MTAP: variants seen among roughly 807,000 people sequenced by gnomAD.
The protein encoded by MTAP is S-methyl-5'-thioadenosine phosphorylase.
A neutral mutation model predicts 33.6 loss-of-function variants in MTAP; 33 were observed. The ratio of observed to expected loss-of-function variants is 0.98; its 90% CI spans 0.74 to 1.31. The LOEUF (loss-of-function observed/expected upper bound fraction) is 1.31, where lower values mean the gene tolerates loss of function less well. MTAP is among the 40% of genes most tolerant of loss of function. The pLI is 0.00. For missense variants in MTAP, 367 were observed against 360.0 expected (o/e 1.02, Z -0.16); for synonymous variants, 148 against 125.7 (o/e 1.18, Z -1.19).
chr9:21,829,393 ATCTC>A (rs374103185), intron 4 of MTAP, among the ~76,000 whole-genome samples: 3 of 148,136 alleles, frequency 2.0e-5, no homozygotes, highest in African/African-American at 7.4e-5. Flanking sequence ...GAATTGCACC[ATCTC>A]TCTCTCTCAT....
intron 1 of MTAP, among the ~76,000 whole-genome samples, chr9:21,920,140 C>G (rs774213063): frequency 1.3e-5 from 2 of 151,900 alleles, no homozygotes; most frequent in Non-Finnish European, 2.9e-5. Context: ...AGCTCAAGAG[C>G]GAAAATCATA....
intron 1 of MTAP, chr9:21,811,603 A>T: frequency 2.1e-6 from 1 of 477,262 alleles, no homozygotes; most frequent in Non-Finnish European, 4.2e-6. Context: ...CCCTTTACAC[A>T]GTAACAGAAG....
chr9:21,838,530 A>G (rs1825165300), intron 5 of MTAP, among the ~76,000 whole-genome samples: 1 of 152,248 alleles, frequency 6.6e-6, no homozygotes, highest in Admixed American at 6.5e-5. Context: ...ATGGCTGGTA[A>G]CTGCTTTTGT....
At chr9:21,843,365 A>G (rs1056559670) in intron 5 of MTAP, among the ~76,000 whole-genome samples, 4 of 152,214 alleles carry the variant, frequency 2.6e-5, no homozygotes, top group Non-Finnish European at 4.4e-5. Flanking sequence ...TCAAGACAGA[A>G]AGTCAACAAG....
chr9:21,803,299 T>TG (rs1198544684), intron 1 of MTAP: 6 of 214,586 alleles, frequency 2.8e-5, no homozygotes, highest in Non-Finnish European at 5.5e-5. Context: ...ACTGCTTACT[T>TG]GCTCTTTTGT....
intron 1 of MTAP, among the ~76,000 whole-genome samples, chr9:21,814,744 A>T (rs1005746466): frequency 1.3e-5 from 2 of 152,228 alleles, no homozygotes; most frequent in East Asian, 3.8e-4. Context: ...TTATATTTGC[A>T]TAAATGTATT....
intron 1 of MTAP, among the ~76,000 whole-genome samples, chr9:21,803,952 A>G (rs1366690723): frequency 1.3e-5 from 2 of 152,200 alleles, no homozygotes; most frequent in Non-Finnish European, 2.9e-5. Flanking sequence ...AGACTTATAT[A>G]TGAAACTTAT....
At chr9:21,883,507 C>T (rs1327556971) in intron 1 of MTAP, among the ~76,000 whole-genome samples, 2 of 151,934 alleles carry the variant, frequency 1.3e-5, no homozygotes, top group Admixed American at 6.6e-5. Context: ...CCTACTGTAG[C>T]AGTCTGGATC....
intron 5 of MTAP, among the ~76,000 whole-genome samples, chr9:21,850,548 G>T (rs1195590775): frequency 6.6e-6 from 1 of 152,200 alleles, no homozygotes; most frequent in African/African-American, 2.4e-5. Context: ...AGGTGTCAGT[G>T]GCAGATAAGG....
chr9:21,935,817 C>G (rs1361038297), downstream of MTAP: 1 of 152,154 alleles, frequency 6.6e-6, no homozygotes, highest in Non-Finnish European at 1.5e-5. Flanking sequence ...AGTGAAGTCT[C>G]AAGGCCAAGT....
chr9:21,822,115 G>T (rs1208482160), intron 4 of MTAP, among the ~76,000 whole-genome samples: 1 of 151,900 alleles, frequency 6.6e-6, no homozygotes. Context: ...TGGGTTTTTT[G>T]TGTCTCTATC....
chr9:21,893,006 A>G (rs989289946), intron 1 of MTAP: 3 of 152,218 alleles, frequency 2.0e-5, no homozygotes, highest in Admixed American at 6.5e-5. Flanking sequence ...AAATTAAACA[A>G]CCTTCTCCTT....
intron 1 of MTAP, among the ~76,000 whole-genome samples, chr9:21,908,220 A>G (rs1049212709): frequency 6.6e-6 from 1 of 152,164 alleles, no homozygotes; most frequent in Non-Finnish European, 1.5e-5. Context: ...ATCATACAGT[A>G]TGTAACATTT....
intron 5 of MTAP, 79 bp from the exon 6 acceptor site, chr9:21,854,550 TTG>T (rs1825590314): frequency 6.9e-7 from 1 of 1,452,880 alleles, no homozygotes; most frequent in Non-Finnish European, 9.1e-7. Context: ...AGAAATCAAC[TTG>T]GTAAACATTG....
At chr9:21,823,754 A>G (rs550563356) in intron 4 of MTAP, among the ~76,000 whole-genome samples, 1 of 152,292 alleles carries the variant, frequency 6.6e-6, no homozygotes, top group South Asian at 2.1e-4. Context: ...TACACCAATC[A>G]GATGTAGATT....
At chr9:21,902,807 C>A (rs886401698) in intron 1 of MTAP, among the ~76,000 whole-genome samples, 4 of 152,148 alleles carry the variant, frequency 2.6e-5, no homozygotes, top group African/African-American at 9.7e-5. Context: ...TAGAAAATCT[C>A]TTTTATTACC....
intron 1 of MTAP, among the ~76,000 whole-genome samples, chr9:21,918,263 T>C (rs1353894669): frequency 2.4e-5 from 3 of 127,646 alleles, no homozygotes; most frequent in African/African-American, 1.0e-4. Flanking sequence ...GGCAGGAGAA[T>C]GGCGTGAACC....
chr9:21,883,069 G>T (rs75247962), intron 1 of MTAP, among the ~76,000 whole-genome samples: 1 of 149,824 alleles, frequency 6.7e-6, no homozygotes, highest in African/African-American at 2.5e-5. Flanking sequence ...AAACAAGGAG[G>T]ATACATTTAA....
At chr9:21,867,776 G>T (rs1448615347), downstream of MTAP, among the ~76,000 whole-genome samples, 1 of 152,020 alleles carries the variant, frequency 6.6e-6, no homozygotes. Flanking sequence ...GAAAAAGGCT[G>T]GAACAGCAGG....
Sources: allele counts gnomAD v4.1 joint callset (sites outside exome capture counted in the v4.1 genomes callset), GRCh38; gene constraint gnomAD v4.1.1; transcripts MANE v1.5; gene names NCBI Gene and HGNC (gene_info 2026-07-23, HGNC 2026-07-21).